The following OR3A2 variants were observed in gnomAD, a reference collection of about 807,000 sequenced individuals.
OR3A2 encodes olfactory receptor 3A2.
For synonymous variants in OR3A2, 126 were observed against 159.3 expected (o/e 0.79, Z 1.57); for missense variants, 318 against 392.8 (o/e 0.81, Z 1.61).
chr17:3,285,847 A>G (rs1306045763), upstream of OR3A2, among the ~76,000 whole-genome samples: 1 of 152,236 alleles, frequency 6.6e-6, no homozygotes, highest in Non-Finnish European at 1.5e-5. Context: ...AGTGTTTGTC[A>G]TGTACATGGT....
At chr17:3,345,978 C>T (rs1351358762) in intron 2 of OR3A2, among the ~76,000 whole-genome samples, 1 of 152,120 alleles carries the variant, frequency 6.6e-6, no homozygotes, top group Non-Finnish European at 1.5e-5. Flanking sequence ...TTTTCACATG[C>T]AAAGGATGAA....
chr17:3,296,983 CT>C (rs2048923936), intron 3 of OR3A2, among the ~76,000 whole-genome samples: 1 of 152,214 alleles, frequency 6.6e-6, no homozygotes, highest in Non-Finnish European at 1.5e-5. Context: ...TTCTTTCACT[CT>C]CTGCTCCCTC....
intron 3 of OR3A2, among the ~76,000 whole-genome samples, chr17:3,330,940 T>G (rs990921579): frequency 1.1e-4 from 17 of 152,246 alleles, no homozygotes; most frequent in African/African-American, 4.1e-4. Flanking sequence ...TTTGCTTGTC[T>G]GTAAAGGATT....
rs904956342 is a variant in OR3A2 at position 3,372,687 on chromosome 17, G to T, written c.-179+11117C>A. Among the ~76,000 whole-genome samples, 570 of 152,158 alleles carry T rather than the reference G, an allele frequency of 3.7e-3. 5 individuals carry two copies. The highest frequency in any genetic ancestry group is 0.013 in the African/African-American group (544 of 41,510). On this transcript the variant is annotated intron_variant, in intron 2 of 4. Transcript: ENST00000573491. ...AAAAATACGAAAACCAGTCAGGCGT[G>T]GCGGCGCGCGCCTGCAATCGCAGGC... is the stretch of plus-strand genomic sequence containing the variant.
At chr17:3,319,981 T>A (rs2049106489) in intron 3 of OR3A2, among the ~76,000 whole-genome samples, 1 of 152,232 alleles carries the variant, frequency 6.6e-6, no homozygotes, top group Non-Finnish European at 1.5e-5. Flanking sequence ...TGAACTAGTT[T>A]ACAGTCCCAC....
intron 3 of OR3A2, among the ~76,000 whole-genome samples, chr17:3,302,081 A>C (rs925342377): frequency 1.3e-5 from 2 of 152,174 alleles, no homozygotes; most frequent in African/African-American, 4.8e-5. Context: ...CCACTGCTCA[A>C]CGAAATAAAA....
chr17:3,290,047 C>G (rs1419038222), intron 3 of OR3A2, among the ~76,000 whole-genome samples: 1 of 152,092 alleles, frequency 6.6e-6, no homozygotes, highest in African/African-American at 2.4e-5. Context: ...AGTAAACCTT[C>G]TTCCTGACAT....
At chr17:3,278,947 G>T (rs1346494026) in intron 1 of OR3A2, 24 bp from the exon 5 acceptor site, 2 of 1,560,064 alleles carry the variant, frequency 1.3e-6, no homozygotes, top group Non-Finnish European at 1.7e-6. Context: ...TCCCAGCAGG[G>T]GAGGTATCAG....
chr17:3,358,749 T>C (rs905707950), intron 2 of OR3A2, among the ~76,000 whole-genome samples: 4 of 151,824 alleles, frequency 2.6e-5, no homozygotes, highest in Non-Finnish European at 5.9e-5. Flanking sequence ...AGAATGTATA[T>C]TCTATTGTTT....
intron 3 of OR3A2, among the ~76,000 whole-genome samples, chr17:3,323,149 T>C (rs1335522476): frequency 6.6e-6 from 1 of 152,166 alleles, no homozygotes; most frequent in African/African-American, 2.4e-5. Flanking sequence ...TTGATCTTTG[T>C]TGGTTTAAAG....
intron 2 of OR3A2, among the ~76,000 whole-genome samples, chr17:3,348,858 G>A (rs1337445264): frequency 6.6e-6 from 1 of 152,170 alleles, no homozygotes; most frequent in African/African-American, 2.4e-5. Context: ...CCAGCCAGAA[G>A]AGAGTGGGGG....
rs1025920041 is a variant in OR3A2 at position 3,363,459 on chromosome 17, C to G, written c.-179+20345G>C. 1.3e-5 allele frequency among the ~76,000 whole-genome samples: 2 copies of G among 151,730 alleles called. 1 individual carries two copies. The highest frequency in any genetic ancestry group is 4.9e-5 in the African/African-American group (2 of 41,010). ...CCAGTTTTCAATAAGTTCCTCATCA[C>G]CATATGAGACCACCTCAGCCTGGAC... is the stretch of plus-strand genomic sequence containing the variant. On this transcript the variant is annotated intron_variant, in intron 2 of 4. Transcript: ENST00000573491.
chr17:3,347,378 A>T (rs964881904), intron 2 of OR3A2, among the ~76,000 whole-genome samples: 12 of 151,936 alleles, frequency 7.9e-5, no homozygotes, highest in African/African-American at 2.7e-4. Flanking sequence ...ATATCTCCCA[A>T]TGCTATCCCT....
intron 3 of OR3A2, among the ~76,000 whole-genome samples, chr17:3,302,583 A>C (rs968000693): frequency 6.6e-6 from 1 of 152,344 alleles, no homozygotes; most frequent in East Asian, 1.9e-4. Context: ...TGAGATCATA[A>C]AATTGTACTA....
intron 2 of OR3A2, among the ~76,000 whole-genome samples, chr17:3,375,409 TC>T (rs2150667029): frequency 6.6e-6 from 1 of 151,410 alleles, no homozygotes; most frequent in African/African-American, 2.4e-5. Context: ...TTCAAGTGAT[TC>T]TCCTGCCTCA....
chr17:3,332,731 A>G (rs1021306806), intron 3 of OR3A2, among the ~76,000 whole-genome samples: 3 of 152,038 alleles, frequency 2.0e-5, no homozygotes, highest in African/African-American at 7.2e-5. Flanking sequence ...CTCCCCTCTT[A>G]TGCCTGTCTT....
At position 3,360,993 on chromosome 17, in the gene OR3A2, A is replaced by G. The variant is rs548643684; in HGVS notation, c.-179+22811T>C. ...GCTTGATGGGGATGGCATTGAATCT[A>G]TAAATTACCTTGGGCAGTATGGCCA... On this transcript the variant is annotated intron_variant, in intron 2 of 4. Transcript: ENST00000573491. Among the ~76,000 whole-genome samples, 591 of 151,538 alleles carry G rather than the reference A, an allele frequency of 3.9e-3. 33 individuals are homozygous for G. The highest frequency in any genetic ancestry group is 0.013 in the African/African-American group (547 of 40,892).
At chr17:3,336,325 T>TA (rs1166720970) in intron 2 of OR3A2, among the ~76,000 whole-genome samples, 199 bp from the exon 2 acceptor site, 2 of 152,182 alleles carry the variant, frequency 1.3e-5, no homozygotes, top group African/African-American at 2.4e-5. Flanking sequence ...TTATCTGGTT[T>TA]AAAAAATCAC....
At chr17:3,361,224 T>C (rs1217678660) in intron 2 of OR3A2, among the ~76,000 whole-genome samples, 4 of 148,754 alleles carry the variant, frequency 2.7e-5, no homozygotes, top group Non-Finnish European at 5.9e-5. Context: ...TTGTCTGTTG[T>C]TGGTGTATAA....
Sources: allele counts gnomAD v4.1 joint callset (sites outside exome capture counted in the v4.1 genomes callset), GRCh38; gene constraint gnomAD v4.1.1; transcripts MANE v1.5; gene names NCBI Gene and HGNC (gene_info 2026-07-23, HGNC 2026-07-21).